Variants in SET observed in about 807,000 individuals in gnomAD.
SET encodes protein SET.
In SET, 4 loss-of-function variants were observed where a neutral mutation model predicts 39.0. The observed-to-expected ratio is 0.10, with a 90% confidence interval of 0.05 to 0.23. The LOEUF (loss-of-function observed/expected upper bound fraction) is 0.23. SET is among the 10% of genes least tolerant of loss of function. SET has a pLI of 1.00. For missense variants in SET, 137 were observed against 329.7 expected, an observed-to-expected ratio of 0.42 and a Z score of 4.53; for synonymous variants, 114 against 115.9, an observed-to-expected ratio of 0.98 and a Z score of 0.11.
chr9:128,688,947 C>T (rs1018333344), upstream of SET, among the ~76,000 whole-genome samples: 5 of 151,764 alleles, frequency 3.3e-5, no homozygotes, highest in African/African-American at 1.2e-4. Flanking sequence ...GCCGGGGGCA[C>T]CCGCGCCTCC....
chr9:128,690,191 C>T (rs1861471608), intron 1 of SET: 3 of 155,632 alleles, frequency 1.9e-5, no homozygotes, highest in South Asian at 2.0e-4. Context: ...CGGCCGCGCG[C>T]TGGGCCTTGG....
At position 128,693,651 on chromosome 9, in the gene SET, G is replaced by A. The variant is rs139428399; in HGVS notation, c.506G>A (p.Arg169His). The A allele has an allele frequency of 4.6e-5, 74 of 1,611,600 alleles. No individual in the cohort carries two copies. Among genetic ancestry groups the A allele is most frequent in the Non-Finnish European group, 6.1e-5 (72 of 1,179,160 alleles). ...GTATTCATTTAGGATTTGACGAAAC[G>A]TTCGAGTCAAACGCAGAATAAAGCC... Reference protein sequence around the residue: ...KWKSGKDLTKRSSQTQNKASR... With the variant: ...KWKSGKDLTKHSSQTQNKASR... Residue 169 changes from arginine (R) to histidine (H), a missense_variant, in exon 6 of 8, where the codon CGT becomes CAT. Physicochemically the swap from Arg to His is conservative, Grantham distance 29. Transcript: ENST00000322030.
chr9:128,689,064 G>A (rs1049108437), upstream of SET, among the ~76,000 whole-genome samples: 5 of 150,266 alleles, frequency 3.3e-5, no homozygotes, highest in African/African-American at 2.4e-5. Context: ...GTGCGTCGCC[G>A]CGCGCCTTCC....
rs1202080107 is a variant in SET, at chr9:128,696,274, G to C, written c.*1610G>C. 1 of 197,952 alleles carries C rather than the reference G, an allele frequency of 5.1e-6. No homozygotes were observed. The highest frequency in any genetic ancestry group is 2.3e-5 in the African/African-American group (1 of 43,590). The allele number at this position is 197,952 out of a possible 1,614,324, so 12.3% of individuals were successfully genotyped here. A position where few individuals can be genotyped will look rare whatever the true frequency, so the allele number is the denominator to read the frequency against. ...GGAACTATTCCATCAATAGGCAAAA[G>C]TGTAACAACCTATCTAGATGGATAG... is the stretch of plus-strand genomic sequence containing the variant. On this transcript the variant is annotated 3_prime_UTR_variant, in exon 8 of 8. Coordinates refer to ENST00000322030, the MANE Select transcript of SET (RefSeq NM_003011.4).
intron 3 of SET, 120 bp downstream of exon 3, chr9:128,692,120 G>T: frequency 1.7e-6 from 2 of 1,198,596 alleles, no homozygotes; most frequent in Non-Finnish European, 2.4e-6. Flanking sequence ...TGGGTGCGGT[G>T]GCGCACCTGT....
chr9:128,689,366 G>C lies in SET; in HGVS notation c.-217G>C. On this transcript the variant is annotated 5_prime_UTR_variant, in exon 1 of 8. Coordinates refer to ENST00000322030, the MANE Select transcript of SET (RefSeq NM_003011.4). The stretch of plus-strand genomic sequence containing the variant: ...CTCCGCGAACAGGAGCCCGGGCCGG[G>C]GCCCGGCACGCCGCCCCAGCCCGTC... 2.0e-6 allele frequency: 2 copies of C among 1,022,980 alleles called. No individual in the cohort carries two copies. Among genetic ancestry groups the C allele is most frequent in the Non-Finnish European group, 2.4e-6 (2 of 841,668 alleles). The allele number at this position is 1,022,980 out of a possible 1,614,324, so 63.4% of individuals were successfully genotyped here. A position where few individuals can be genotyped will look rare whatever the true frequency, so the allele number is the denominator to read the frequency against.
At chr9:128,690,883 C>T (rs1200712201) in intron 1 of SET, among the ~76,000 whole-genome samples, 3 of 152,170 alleles carry the variant, frequency 2.0e-5, no homozygotes, top group South Asian at 4.1e-4. Flanking sequence ...TATTCTGTGT[C>T]TTTCATAGTA....
In SET at chr9:128,695,174, G is replaced by T. The variant is rs566109184; in HGVS notation, c.*510G>T. ...AGAAAAAAAAACTTAAAAAAATGGG[G>T]TTATAGAAGGTCAGCAAAGGGTGGG... is the stretch of plus-strand genomic sequence containing the variant. On this transcript the variant is annotated 3_prime_UTR_variant, in exon 8 of 8. Transcript: ENST00000322030. 4.5e-6 allele frequency: 1 copy of T among 222,842 alleles called. No individual in the cohort carries two copies. The highest frequency in any genetic ancestry group is 6.3e-5 in the East Asian group (1 of 15,784). The allele number at this position is 222,842 out of a possible 1,614,324, so 13.8% of individuals were successfully genotyped here.
chr9:128,691,284 G>A (rs1413248825), intron 2 of SET, 57 bp downstream of exon 2: 6 of 1,067,208 alleles, frequency 5.6e-6, no homozygotes, highest in Admixed American at 2.0e-5. Flanking sequence ...CTAATAGCCC[G>A]GTAATTATCG....
chr9:128,686,185 G>A (rs1861279923), upstream of SET, among the ~76,000 whole-genome samples: 1 of 152,184 alleles, frequency 6.6e-6, no homozygotes, highest in Non-Finnish European at 1.5e-5. Context: ...ACCTCTCAGT[G>A]TGCCCCCGGC....
chr9:128,684,854 A>C (rs1041319745), upstream of SET, among the ~76,000 whole-genome samples: 3 of 151,996 alleles, frequency 2.0e-5, no homozygotes, highest in Non-Finnish European at 2.9e-5. Context: ...TTGTCATTAC[A>C]TTGTAACCAG....
At chr9:128,692,125 A>G in intron 3 of SET, 125 bp downstream of exon 3, 1 of 1,157,756 alleles carries the variant, frequency 8.6e-7, no homozygotes, top group East Asian at 2.5e-5. Context: ...GCGGTGGCGC[A>G]CCTGTAATCC....
intron 2 of SET, 43 bp downstream of exon 2, chr9:128,691,270 G>T: frequency 8.4e-7 from 1 of 1,192,520 alleles, no homozygotes. Context: ...TTTCTGAGAT[G>T]TGTCTAATAG....
intron 3 of SET, 53 bp from the exon 4 acceptor site, chr9:128,692,609 T>C (rs917203383): frequency 2.5e-6 from 3 of 1,179,550 alleles, no homozygotes; most frequent in African/African-American, 3.0e-5. Context: ...ACTTAAATTG[T>C]TGTTAGTGTG....
At position 128,692,176 on chromosome 9, in the gene SET, CAG is replaced by C. The variant is rs1477789103; in HGVS notation, c.274+177_274+178del. 2.6e-5 allele frequency among the ~76,000 whole-genome samples: 4 copies of C among 152,112 alleles called. No individual in the cohort carries two copies. The East Asian group carries it at 5.8e-4, about 22-fold the overall frequency. On this transcript the variant is annotated intron_variant, in intron 3 of 7. Coordinates refer to ENST00000322030, the MANE Select transcript of SET (RefSeq NM_003011.4). ...CCGAGGTGGGTGGATCACTTGAGGTCAGGGGTTCGAAACCAGCTTGGCCAACA... is the reference window on the plus strand; with the variant it reads ...CCGAGGTGGGTGGATCACTTGAGGTCGGGTTCGAAACCAGCTTGGCCAACA...
chr9:128,684,443 C>T (rs1456243476), upstream of SET, among the ~76,000 whole-genome samples: 2 of 152,150 alleles, frequency 1.3e-5, no homozygotes, highest in Non-Finnish European at 2.9e-5. Context: ...GCCTGAATCT[C>T]TGCCACCTCC....
At position 128,694,770 on chromosome 9, in the gene SET, TC is replaced by T. The variant is rs1397526802; in HGVS notation, c.*107del. 98 of 567,952 alleles carry T rather than the reference TC, an allele frequency of 1.7e-4. No homozygotes were observed. In the East Asian group the frequency reaches 3.2e-3, roughly 18 times the overall value. 35.2% of individuals were successfully genotyped at this position (567,952 alleles called of 1,614,324 possible). On this transcript the variant is annotated 3_prime_UTR_variant, in exon 8 of 8. Transcript: ENST00000322030. ...TTTTTTTTTTTTTTCCCTCTTGTGCTCAGTCGCCCTGTTCTTGAGGTCTCTT... is the reference window on the plus strand; with the variant it reads ...TTTTTTTTTTTTTTCCCTCTTGTGCTAGTCGCCCTGTTCTTGAGGTCTCTT...
intron 3 of SET, 144 bp from the exon 4 acceptor site, chr9:128,692,518 T>C (rs2132252987): frequency 3.3e-6 from 2 of 611,072 alleles, no homozygotes; most frequent in Non-Finnish European, 5.9e-6. Context: ...GACAGTCTGA[T>C]ATTGAGCAAT....
At chr9:128,690,986 G>C (rs1191214919) in intron 1 of SET, 184 bp from the exon 2 acceptor site, 1 of 666,642 alleles carries the variant, frequency 1.5e-6, no homozygotes, top group African/African-American at 1.8e-5. Context: ...AGCATGACTT[G>C]TAAATGGTCT....
Sources: gnomAD v4.1 joint callset for allele counts (sites outside exome capture counted in the v4.1 genomes callset) on GRCh38, gnomAD v4.1.1 for gene constraint, MANE v1.5 for transcripts, NCBI Gene and HGNC (gene_info 2026-07-23, HGNC 2026-07-21) for gene names.